ZNF382: variants seen among roughly 807,000 people sequenced by gnomAD.
ZNF382 encodes KRAB/zinc finger suppressor protein 1.
A neutral mutation model predicts 38.8 loss-of-function variants in ZNF382; 20 were observed. That is an observed-to-expected ratio of 0.51 (90% confidence interval 0.36 to 0.75). The LOEUF is 0.75. ZNF382 is among the 30% of genes least tolerant of loss of function. The pLI is 0.00. For synonymous variants in ZNF382, 202 were observed against 223.1 expected, an observed-to-expected ratio of 0.91 and a Z score of 0.84; for missense variants, 546 against 654.1, an observed-to-expected ratio of 0.83 and a Z score of 1.80.
At chr19:36,618,362 C>T (rs1362629498) in intron 4 of ZNF382, among the ~76,000 whole-genome samples, 1 of 152,194 alleles carries the variant, frequency 6.6e-6, no homozygotes, top group Admixed American at 6.5e-5. Context: ...TCTTTGGGCT[C>T]CTTGCAATCT....
At position 36,607,704 on chromosome 19, in the gene ZNF382, C is replaced by T. The variant is rs970631940; in HGVS notation, c.-14+82C>T. 14 of 1,337,546 alleles carry T rather than the reference C, an allele frequency of 1.0e-5. No individual in the cohort carries two copies. The African/African-American group carries it at 2.0e-4, about 19-fold the overall frequency. 82.9% of individuals were successfully genotyped at this position (1,337,546 alleles called of 1,614,324 possible). A position where few individuals can be genotyped will look rare whatever the true frequency, so the allele number is the denominator to read the frequency against. ...GAGCTTCACTGTCCTTTAACCTTCCCTGATATTGGGATTTGCTTCCATGAA... is the reference window on the plus strand; with the variant it reads ...GAGCTTCACTGTCCTTTAACCTTCCTTGATATTGGGATTTGCTTCCATGAA... On this transcript the variant is annotated intron_variant, in intron 2 of 4. Coordinates refer to ENST00000292928, the MANE Select transcript of ZNF382 (RefSeq NM_032825.5).
chr19:36,627,143 G>A lies in ZNF382; in HGVS notation c.1246G>A (p.Ala416Thr). Residue 416 changes from alanine (A) to threonine (T), a missense_variant, in exon 5 of 5, where the codon GCA becomes ACA. Ala to Thr is a moderately conservative substitution (Grantham distance 58, BLOSUM62 0). Transcript: ENST00000292928. ...GTATCAGTGTAATGAGTGTGGGAAG[G>A]CATTTATCCAGAAGACAACCCTCAC... ...KPYQCNECGKAFIQKTTLTVH... is the reference protein window; with the variant it reads ...KPYQCNECGKTFIQKTTLTVH... 1.2e-6 allele frequency: 2 copies of A among 1,613,736 alleles called. No homozygotes were observed. The highest frequency in any genetic ancestry group is 1.1e-5 in the South Asian group (1 of 91,046).
chr19:36,611,240 A>G (rs527404677), intron 4 of ZNF382, among the ~76,000 whole-genome samples: 32 of 152,294 alleles, frequency 2.1e-4, no homozygotes, highest in Middle Eastern at 3.4e-3. Flanking sequence ...CAGTGAGCCA[A>G]GATCACACCA....
At chr19:36,611,200 G>C (rs981183620) in intron 4 of ZNF382, among the ~76,000 whole-genome samples, 1 of 152,140 alleles carries the variant, frequency 6.6e-6, no homozygotes, top group African/African-American at 2.4e-5. Context: ...TGAAGCAGGA[G>C]AATTGCTTGA....
At chr19:36,610,994 C>T (rs1009786695) in intron 4 of ZNF382, among the ~76,000 whole-genome samples, 2 of 152,044 alleles carry the variant, frequency 1.3e-5, no homozygotes, top group African/African-American at 4.8e-5. Flanking sequence ...AATAACTTCC[C>T]CTGGCCAGGT....
chr19:36,626,185 G>A lies in ZNF382; in HGVS notation c.288G>A (p.Arg96=). The change falls in exon 5 of 5, where the codon AGG becomes AGA. Residue 96 remains arginine, a synonymous_variant. Transcript: ENST00000292928. ...VLVKFKEYQD[R]HSRPLIFINH... is the part of the protein sequence containing the mutation. ...TGAAGTTCAAAGAATACCAAGACAG[G>A]CATTCTAGACCCCTCATATTCATCA... 1 of 1,575,306 alleles carries A rather than the reference G, an allele frequency of 6.3e-7. No individual in the cohort carries two copies. Among genetic ancestry groups the A allele is most frequent in the South Asian group, 1.2e-5 (1 of 84,030 alleles).
At chr19:36,622,716 C>G (rs764357010) in intron 4 of ZNF382, among the ~76,000 whole-genome samples, 1 of 152,100 alleles carries the variant, frequency 6.6e-6, no homozygotes. Flanking sequence ...TACTGTCTGG[C>G]CAGCCAAAGA....
At chr19:36,620,415 AG>A (rs1219559136) in intron 4 of ZNF382, among the ~76,000 whole-genome samples, 2 of 152,132 alleles carry the variant, frequency 1.3e-5, no homozygotes, top group African/African-American at 4.8e-5. Flanking sequence ...TACCTTGTCT[AG>A]GACAATAAAT....
intron 4 of ZNF382, among the ~76,000 whole-genome samples, chr19:36,624,332 T>G (rs2145333216): frequency 6.6e-6 from 1 of 152,344 alleles, no homozygotes; most frequent in Middle Eastern, 3.4e-3. Flanking sequence ...TGTTTCTTCT[T>G]GTTGCTGAGG....
chr19:36,616,172 G>T (rs1421466847), intron 4 of ZNF382, among the ~76,000 whole-genome samples: 2 of 152,292 alleles, frequency 1.3e-5, no homozygotes, highest in African/African-American at 2.4e-5. Flanking sequence ...TTGAGGCCAG[G>T]AGTGTGAGGC....
rs767473020 is a variant in ZNF382 at position 36,632,899 on chromosome 19, C to T, written c.*5349C>T. The T allele has an allele frequency of 2.0e-5, 3 of 152,220 alleles. No individual in the cohort carries two copies. Among genetic ancestry groups the T allele is most frequent in the Non-Finnish European group, 4.4e-5 (3 of 68,066 alleles). 9.4% of individuals were successfully genotyped at this position (152,220 alleles called of 1,614,324 possible). The stretch of plus-strand genomic sequence containing the variant: ...TTGTCAGCTAATGCTTGAATTTCTC[C>T]ACTCAGTTTCTGGTCTAGCAATAGA... On this transcript the variant is annotated 3_prime_UTR_variant, in exon 5 of 5. Coordinates refer to ENST00000292928, the MANE Select transcript of ZNF382 (RefSeq NM_032825.5).
chr19:36,619,744 T>G (rs567018640), intron 4 of ZNF382, among the ~76,000 whole-genome samples: 3 of 150,544 alleles, frequency 2.0e-5, no homozygotes, highest in Non-Finnish European at 3.0e-5. Flanking sequence ...TTTTTTTTTC[T>G]TTTTGAGATG....
intron 4 of ZNF382, among the ~76,000 whole-genome samples, chr19:36,623,596 C>T (rs531178742): frequency 6.6e-6 from 1 of 152,044 alleles, no homozygotes; most frequent in African/African-American, 2.4e-5. Context: ...TCAAGACCCA[C>T]CAGGCCAACA....
At chr19:36,624,346 T>C (rs2037193289) in intron 4 of ZNF382, among the ~76,000 whole-genome samples, 1 of 152,232 alleles carries the variant, frequency 6.6e-6, no homozygotes, top group Non-Finnish European at 1.5e-5. Context: ...GCTGAGGTAG[T>C]ATTCTATTGT....
intron 4 of ZNF382, among the ~76,000 whole-genome samples, chr19:36,613,882 T>C (rs547054252): frequency 6.6e-6 from 1 of 152,348 alleles, no homozygotes; most frequent in African/African-American, 2.4e-5. Context: ...ATGGTGATCA[T>C]AGAGAAAATT....
intron 4 of ZNF382, among the ~76,000 whole-genome samples, chr19:36,625,250 G>T (rs1228755715): frequency 2.0e-5 from 3 of 150,920 alleles, no homozygotes; most frequent in Admixed American, 6.6e-5. Context: ...ATAAATTACG[G>T]TTATATGGAC....
chr19:36,627,752 T>G lies in ZNF382; in HGVS notation c.*202T>G. The stretch of plus-strand genomic sequence containing the variant: ...TTAGATGACAAAAATCATTAAGAAG[T>G]CCAAACTTTTTTTTTATTACTAGCT... On this transcript the variant is annotated 3_prime_UTR_variant, in exon 5 of 5. Coordinates refer to ENST00000292928, the MANE Select transcript of ZNF382 (RefSeq NM_032825.5). The G allele has an allele frequency of 6.3e-6, 3 of 477,904 alleles. No individual in the cohort carries two copies. Among genetic ancestry groups the G allele is most frequent in the Non-Finnish European group, 1.1e-5 (3 of 273,194 alleles). The allele number at this position is 477,904 out of a possible 1,614,324, so 29.6% of individuals were successfully genotyped here. A position where few individuals can be genotyped will look rare whatever the true frequency, so the allele number is the denominator to read the frequency against.
chr19:36,605,868 G>A (rs1377367596), intron 1 of ZNF382: 1 of 152,682 alleles, frequency 6.5e-6, no homozygotes, highest in Non-Finnish European at 1.5e-5. Context: ...CTTTGAGTGT[G>A]GAGAATTGCA....
Position 36,621,544 on chromosome 19 carries a change from C to A in ZNF382, c.233-4586C>A, listed in dbSNP as rs925326402. Among the ~76,000 whole-genome samples, 3 of 151,784 alleles carry A rather than the reference C, an allele frequency of 2.0e-5. No homozygotes were observed. In the South Asian group the frequency reaches 6.2e-4, roughly 32 times the overall value. On this transcript the variant is annotated intron_variant, in intron 4 of 4. Transcript: ENST00000292928. ...TCATATACAGTCAGCCCCCCGAATTCATGGCTTCCACATCAGCAGATTCAA... is the reference window on the plus strand; with the variant it reads ...TCATATACAGTCAGCCCCCCGAATTAATGGCTTCCACATCAGCAGATTCAA...
Sources: allele counts gnomAD v4.1 joint callset (sites outside exome capture counted in the v4.1 genomes callset), GRCh38; gene constraint gnomAD v4.1.1; transcripts MANE v1.5; gene names NCBI Gene and HGNC (gene_info 2026-07-23, HGNC 2026-07-21).